The following ALK variants were observed in gnomAD, a reference collection of about 807,000 sequenced individuals.
ALK encodes ALK receptor tyrosine kinase, also known as ALK tyrosine kinase receptor.
In ALK, 74 loss-of-function variants were observed where a neutral mutation model predicts 163.1. The ratio of observed to expected loss-of-function variants is 0.45; its 90% CI spans 0.38 to 0.55. ALK has a LOEUF of 0.55. ALK is among the 20% of genes least tolerant of loss of function. The probability of loss-of-function intolerance (pLI) is 0.00; values close to 1 mark genes in which losing one functional copy is unlikely to be tolerated. For synonymous variants in ALK, 960 were observed against 843.2 expected, an observed-to-expected ratio of 1.14 and a Z score of -2.40; for missense variants, 2,063 against 2,105.3, an observed-to-expected ratio of 0.98 and a Z score of 0.39.
Position 29,921,523 on chromosome 2 carries a change from A to T in ALK, c.-864T>A, listed in dbSNP as rs987378045. 2 of 231,828 alleles carry T rather than the reference A, an allele frequency of 8.6e-6. No individual in the cohort carries two copies. The highest frequency in any genetic ancestry group is 4.4e-5 in the African/African-American group (2 of 45,254). 14.4% of individuals were successfully genotyped at this position (231,828 alleles called of 1,614,324 possible). On this transcript the variant is annotated 5_prime_UTR_variant, in exon 1 of 29. Transcript: ENST00000389048. ...CTCGGTGCCCCGCGACCCTCCGAAC[A>T]GAGGCGGCGGGAGGTACCAGCTGCT...
At chr2:29,633,735 T>G (rs944524107) in intron 3 of ALK, among the ~76,000 whole-genome samples, 3 of 151,840 alleles carry the variant, frequency 2.0e-5, no homozygotes, top group African/African-American at 7.3e-5. Flanking sequence ...GAAACAAGGG[T>G]TGCTATGGAG....
chr2:29,825,789 T>C (rs1163337233), intron 1 of ALK, among the ~76,000 whole-genome samples: 1 of 151,846 alleles, frequency 6.6e-6, no homozygotes, highest in African/African-American at 2.4e-5. Context: ...AGTGCAGTGG[T>C]CCAGGCAGAG....
intron 3 of ALK, among the ~76,000 whole-genome samples, chr2:29,640,103 C>T (rs1318949402): frequency 1.3e-5 from 2 of 152,206 alleles, no homozygotes; most frequent in Non-Finnish European, 2.9e-5. Context: ...AGGTCCAGTG[C>T]CTCCAGTTCC....
chr2:29,537,241 A>G (rs746659086), intron 3 of ALK, among the ~76,000 whole-genome samples: 5 of 152,218 alleles, frequency 3.3e-5, no homozygotes, highest in Non-Finnish European at 5.9e-5. Context: ...TTTCAAAACT[A>G]TTTGGGACAG....
At chr2:29,861,010 A>G (rs1666276457) in intron 1 of ALK, among the ~76,000 whole-genome samples, 1 of 152,160 alleles carries the variant, frequency 6.6e-6, no homozygotes. Context: ...ATCTCTACAA[A>G]AAAATAAAAA....
chr2:29,485,338 A>C (rs561893580), intron 4 of ALK, among the ~76,000 whole-genome samples: 6 of 152,304 alleles, frequency 3.9e-5, no homozygotes, highest in African/African-American at 1.4e-4. Context: ...TTTAAGACTT[A>C]TTTTTAATTC....
chr2:29,686,027 T>A (rs952456), intron 3 of ALK, among the ~76,000 whole-genome samples: 132,081 of 152,150 alleles, frequency 0.87, 57,623 homozygotes, highest in African/African-American at 0.95. Context: ...CCTTTTAAGG[T>A]CCCCTGTGAT....
At chr2:29,341,583 T>C (rs896181633) in intron 5 of ALK, among the ~76,000 whole-genome samples, 2 of 152,110 alleles carry the variant, frequency 1.3e-5, no homozygotes, top group African/African-American at 4.8e-5. Flanking sequence ...GATTGTGCTT[T>C]TGCATTCCAG....
At chr2:29,880,009 G>A (rs1666814790) in intron 1 of ALK, among the ~76,000 whole-genome samples, 1 of 152,198 alleles carries the variant, frequency 6.6e-6, no homozygotes, top group African/African-American at 2.4e-5. Context: ...TCCCATGGCA[G>A]ATTTAAAGCA....
chr2:29,691,190 C>T (rs957335326), intron 3 of ALK, among the ~76,000 whole-genome samples: 4 of 152,210 alleles, frequency 2.6e-5, no homozygotes, highest in African/African-American at 7.2e-5. Flanking sequence ...CTCCTGAAAG[C>T]TCCAAACACC....
intron 3 of ALK, among the ~76,000 whole-genome samples, chr2:29,573,676 C>T (rs1009542295): frequency 6.6e-6 from 1 of 152,148 alleles, no homozygotes; most frequent in Non-Finnish European, 1.5e-5. Context: ...CAACAGAGAG[C>T]GTGCGGGCCA....
chr2:29,894,702 A>G (rs1052625450), intron 1 of ALK, among the ~76,000 whole-genome samples: 35 of 152,156 alleles, frequency 2.3e-4, no homozygotes, highest in African/African-American at 8.0e-4. Context: ...TTAATGTTTC[A>G]TTCTTACTTC....
chr2:29,198,965 T>C (rs1174753828), intron 26 of ALK, among the ~76,000 whole-genome samples: 2 of 128,060 alleles, frequency 1.6e-5, no homozygotes, highest in African/African-American at 9.0e-5. Flanking sequence ...TGTTTTCTTT[T>C]TTTTTTTTTA....
intron 3 of ALK, among the ~76,000 whole-genome samples, chr2:29,612,327 T>C (rs1202160881): frequency 6.6e-6 from 1 of 152,196 alleles, no homozygotes; most frequent in African/African-American, 2.4e-5. Context: ...GTGTGTGTTG[T>C]TTTTAAAGTC....
chr2:29,377,944 C>T (rs541354403), intron 5 of ALK, among the ~76,000 whole-genome samples: 7 of 152,308 alleles, frequency 4.6e-5, no homozygotes, highest in African/African-American at 1.4e-4. Context: ...GAGTAAGGAA[C>T]CAAGAAGATT....
rs756989551 is a variant in ALK at position 29,193,490 on chromosome 2, G to C, written c.4597C>G (p.Leu1533Val). 2 of 1,614,152 alleles carry C rather than the reference G, an allele frequency of 1.2e-6. No individual in the cohort carries two copies. Among genetic ancestry groups the C allele is most frequent in the Non-Finnish European group, 1.7e-6 (2 of 1,180,022 alleles). ...AKKEPHDRGN[L>V]GLEGSCTVPP... ...ACAGTACAGCTTCCCTCCAGCCCCA[G>C]GTTACCCCTGTCGTGTGGCTCCTTC... Residue 1533 changes from leucine to valine, a missense_variant, in exon 29 of 29, where the codon CTG becomes GTG. By Grantham distance (32) the Leu-to-Val change is conservative. Coordinates refer to ENST00000389048, the MANE Select transcript of ALK (RefSeq NM_004304.5).
intron 1 of ALK, among the ~76,000 whole-genome samples, chr2:29,737,097 G>C (rs1394358703): frequency 6.6e-6 from 1 of 152,072 alleles, no homozygotes; most frequent in African/African-American, 2.4e-5. Flanking sequence ...AGAAATTTAT[G>C]TGTTGATGTA....
At position 29,508,557 on chromosome 2, in the gene ALK, G is replaced by A. The variant is rs147109258; in HGVS notation, c.1154+23358C>T. ...ACTGGTGCCTGTCATGGGGTGTGGG[G>A]AGCGGGAAGGGATAGCATTAGGAGA... is the stretch of plus-strand genomic sequence containing the variant. On this transcript the variant is annotated intron_variant, in intron 4 of 28. Coordinates refer to ENST00000389048, the MANE Select transcript of ALK (RefSeq NM_004304.5). 2.2e-3 allele frequency among the ~76,000 whole-genome samples: 337 copies of A among 151,992 alleles called. 1 individual carries two copies. Among genetic ancestry groups the A allele is most frequent in the African/African-American group, 7.7e-3 (317 of 41,436 alleles).
intron 1 of ALK, among the ~76,000 whole-genome samples, chr2:29,876,951 T>C (rs751923560): frequency 2.6e-5 from 4 of 152,200 alleles, no homozygotes; most frequent in Non-Finnish European, 5.9e-5. Context: ...TCCATCTTTC[T>C]TAGCTTCCTT....
Sources: allele counts gnomAD v4.1 joint callset (sites outside exome capture counted in the v4.1 genomes callset), GRCh38; gene constraint gnomAD v4.1.1; transcripts MANE v1.5; gene names NCBI Gene and HGNC (gene_info 2026-07-23, HGNC 2026-07-21).